CAMKK2: variants seen among roughly 807,000 people sequenced by gnomAD.
CAMKK2 encodes the protein calcium/calmodulin dependent protein kinase kinase 2, also known as calcium/calmodulin-dependent protein kinase kinase 2.
CAMKK2 carries 30 observed loss-of-function variants against 67.2 expected under a neutral mutation model. The observed-to-expected ratio is 0.45, with a 90% CI of 0.33 to 0.61. The LOEUF (loss-of-function observed/expected upper bound fraction) is 0.61, where lower values mean the gene tolerates loss of function less well. CAMKK2 is among the 20% of genes least tolerant of loss of function. The probability of loss-of-function intolerance (pLI) is 0.02; values close to 1 mark genes in which losing one functional copy is unlikely to be tolerated. For missense variants in CAMKK2, 643 were observed against 802.0 expected (o/e 0.80, Z 2.39); for synonymous variants, 322 against 326.2 (o/e 0.99, Z 0.14).
Position 121,263,932 on chromosome 12 carries a change from A to G in CAMKK2, c.633T>C (p.Pro211=), listed in dbSNP as rs2136328071. 6.2e-7 allele frequency: 1 copy of G among 1,600,590 alleles called. No individual in the cohort carries two copies. Among genetic ancestry groups the G allele is most frequent in the Non-Finnish European group, 8.5e-7 (1 of 1,170,758 alleles). The change falls in exon 6 of 17, where the codon CCT becomes CCC. Residue 211 remains proline (P), a synonymous_variant. Coordinates refer to ENST00000404169, the MANE Select transcript of CAMKK2 (RefSeq NM_001270485.2). Reference sequence around the variant, plus strand: ...GAGCTGGCCGGGTGCCTCGGGGTGGAGGGCGACCTGAAGGAAACAAAAACA... The same window carrying G: ...GAGCTGGCCGGGTGCCTCGGGGTGGGGGGCGACCTGAAGGAAACAAAAACA... ...LIRQAGFPRR[P]PPRGTRPAPG... is the part of the protein sequence containing the mutation.
At chr12:121,244,079 G>A in intron 16 of CAMKK2, 1 of 1,609,220 alleles carries the variant, frequency 6.2e-7, no homozygotes, top group Non-Finnish European at 8.5e-7. Flanking sequence ...TCGGGTGAGG[G>A]AACTCTTACG....
At chr12:121,274,743 T>C (rs1364780078) in intron 1 of CAMKK2, among the ~76,000 whole-genome samples, 158 bp from the exon 2 acceptor site, 1 of 152,068 alleles carries the variant, frequency 6.6e-6, no homozygotes. Flanking sequence ...TCTGAGTCTA[T>C]ACAGAAAAGC....
intron 1 of CAMKK2, among the ~76,000 whole-genome samples, chr12:121,292,559 C>A (rs964854900): frequency 6.6e-6 from 1 of 152,184 alleles, no homozygotes; most frequent in African/African-American, 2.4e-5. Context: ...GAAAGAGACA[C>A]AGACGCAAGG....
intron 1 of CAMKK2, among the ~76,000 whole-genome samples, chr12:121,287,601 T>C (rs1206093572): frequency 1.3e-5 from 2 of 152,158 alleles, no homozygotes; most frequent in Non-Finnish European, 2.9e-5. Flanking sequence ...TAAGAATTCT[T>C]AGGCAGCTAT....
chr12:121,255,246 A>C (rs1593322484), intron 9 of CAMKK2, among the ~76,000 whole-genome samples: 1 of 81,798 alleles, frequency 1.2e-5, no homozygotes, highest in Non-Finnish European at 2.3e-5. Flanking sequence ...TTATATATAT[A>C]TAATTATATA....
Position 121,240,577 on chromosome 12 carries a change from A to G in CAMKK2, c.*122T>C. 4 of 1,532,426 alleles carry G rather than the reference A, an allele frequency of 2.6e-6. No individual in the cohort carries two copies. The highest frequency in any genetic ancestry group is 3.5e-6 in the Non-Finnish European group (4 of 1,146,128). The allele number at this position is 1,532,426 out of a possible 1,614,324, so 94.9% of individuals were successfully genotyped here. ...AACAAAGGAAAAAACAAATAACCAG[A>G]GATGACGATCGAGGCTCTACACACG... On this transcript the variant is annotated 3_prime_UTR_variant, in exon 17 of 17. Transcript: ENST00000404169. This position sits in a 1 kb window ranked among gnomAD's most constrained non-coding sequence, Gnocchi z 4.4.
intron 7 of CAMKK2, among the ~76,000 whole-genome samples, chr12:121,258,882 G>A (rs984446652): frequency 1.1e-4 from 15 of 132,068 alleles, no homozygotes; most frequent in South Asian, 2.4e-4. Flanking sequence ...TCACTTTGTT[G>A]CCCAGGCTGG....
intron 14 of CAMKK2, 62 bp downstream of exon 14, chr12:121,248,544 T>TG: frequency 6.2e-7 from 1 of 1,602,868 alleles, no homozygotes; most frequent in East Asian, 2.2e-5. Flanking sequence ...CGGCCTGTCC[T>TG]GGCCAGGCCC....
chr12:121,253,141 G>T lies in CAMKK2; in HGVS notation c.1107+132C>A. The T allele has an allele frequency of 1.3e-6, 1 of 760,194 alleles. No individual in the cohort carries two copies. 47.1% of individuals were successfully genotyped at this position (760,194 alleles called of 1,614,324 possible). A position where few individuals can be genotyped will look rare whatever the true frequency, so the allele number is the denominator to read the frequency against. Reference sequence around the variant, plus strand: ...TGAGTCCCTGGATCTAGCCAAGCCTGAAGCCTACCCCTCAGTATCTTGATC... The same window carrying T: ...TGAGTCCCTGGATCTAGCCAAGCCTTAAGCCTACCCCTCAGTATCTTGATC... On this transcript the variant is annotated intron_variant, in intron 10 of 16. Transcript: ENST00000404169. This position sits in a 1 kb window ranked among gnomAD's most constrained non-coding sequence, Gnocchi z 5.0.
At chr12:121,279,594 G>A (rs567602189) in intron 1 of CAMKK2, among the ~76,000 whole-genome samples, 15 of 152,336 alleles carry the variant, frequency 9.8e-5, no homozygotes, top group Admixed American at 2.6e-4. Context: ...CCTCTGCCAG[G>A]GAAGGACAGT....
At chr12:121,264,639 T>C (rs1351229533) in intron 5 of CAMKK2, among the ~76,000 whole-genome samples, 1 of 151,760 alleles carries the variant, frequency 6.6e-6, no homozygotes, top group African/African-American at 2.4e-5. Context: ...CCGGGCGTGG[T>C]GGTGGGCGCC....
At position 121,268,626 on chromosome 12, in the gene CAMKK2, C is replaced by T. The variant is rs367660296; in HGVS notation, c.625+12G>A. 9.9e-6 allele frequency: 16 copies of T among 1,613,646 alleles called. No homozygotes were observed. Among genetic ancestry groups the T allele is most frequent in the African/African-American group, 8.0e-5 (6 of 74,936 alleles). ...GCCCCTGTACCTAACAACAAAGGCC[C>T]GCCAAACTCACGTGGAAAGCCGGCC... On this transcript the variant is annotated intron_variant, in intron 5 of 16. Transcript: ENST00000404169.
chr12:121,287,574 G>T (rs1239852712), intron 1 of CAMKK2, among the ~76,000 whole-genome samples: 3 of 152,274 alleles, frequency 2.0e-5, no homozygotes, highest in East Asian at 3.9e-4. Flanking sequence ...CTTGCTGCTT[G>T]CCAGGGCCAA....
At chr12:121,293,421 G>A (rs1028517810) in intron 1 of CAMKK2, among the ~76,000 whole-genome samples, 10 of 152,082 alleles carry the variant, frequency 6.6e-5, no homozygotes, top group Non-Finnish European at 2.9e-5. Context: ...AGTATGCTGG[G>A]GCGGGAAGAA....
At chr12:121,269,865 A>T (rs1417632776) in intron 3 of CAMKK2, 1 of 293,192 alleles carries the variant, frequency 3.4e-6, no homozygotes, top group Non-Finnish European at 6.4e-6. Context: ...CCTGGCCAAC[A>T]TGATGAAACC....
chr12:121,255,318 A>ATATATATAAAAT (rs1891912896), intron 9 of CAMKK2, among the ~76,000 whole-genome samples: 2 of 19,524 alleles, frequency 1.0e-4, no homozygotes, highest in African/African-American at 7.0e-4. Context: ...ATATAATTTT[A>ATATATATAAAAT]TATATATATA....
chr12:121,258,842 ATTT>A (rs63519464), intron 7 of CAMKK2, among the ~76,000 whole-genome samples: 16 of 129,550 alleles, frequency 1.2e-4, no homozygotes, highest in African/African-American at 1.8e-4. Context: ...GTCAAAGCCA[ATTT>A]TTTTTTTTTT....
chr12:121,291,942 G>A (rs751120984), intron 1 of CAMKK2, among the ~76,000 whole-genome samples: 1 of 151,810 alleles, frequency 6.6e-6, no homozygotes, highest in Non-Finnish European at 1.5e-5. Flanking sequence ...TGTAATCCCA[G>A]CTCCTTGGGA....
intron 1 of CAMKK2, among the ~76,000 whole-genome samples, chr12:121,291,424 G>A (rs1369728199): frequency 2.0e-5 from 3 of 152,198 alleles, no homozygotes; most frequent in Admixed American, 2.0e-4. Flanking sequence ...TCCACACAAT[G>A]GAATAGTACT....
Sources: gnomAD v4.1 joint callset for allele counts (sites outside exome capture counted in the v4.1 genomes callset) on GRCh38, gnomAD v4.1.1 for gene constraint, Gnocchi (gnomAD v3.1) non-coding constraint, MANE v1.5 for transcripts, NCBI Gene and HGNC (gene_info 2026-07-23, HGNC 2026-07-21) for gene names.